PTPRF: variants seen among roughly 807,000 people sequenced by gnomAD.
PTPRF encodes the protein receptor-type tyrosine-protein phosphatase F.
PTPRF carries 59 observed loss-of-function variants against 201.8 expected under a neutral mutation model. The ratio of observed to expected loss-of-function variants is 0.29; its 90% CI spans 0.24 to 0.36. PTPRF has a LOEUF of 0.36. Among genes scored for constraint, PTPRF ranks in the 10% least tolerant of loss-of-function variants. The probability of loss-of-function intolerance (pLI) is 1.00; values close to 1 mark genes in which losing one functional copy is unlikely to be tolerated. For synonymous variants in PTPRF, 1,088 were observed against 1,089.7 expected (o/e 1.00, Z 0.03); for missense variants, 2,132 against 2,690.5 (o/e 0.79, Z 4.59).
chr1:43,573,974 G>GTTT (rs1646745628), intron 6 of PTPRF, among the ~76,000 whole-genome samples: 1 of 96,336 alleles, frequency 1.0e-5, no homozygotes, highest in Non-Finnish European at 2.1e-5. Context: ...GCTTGTGTGG[G>GTTT]TTCTTTTTTT....
chr1:43,597,622 G>A, intron 11 of PTPRF, 126 bp from the exon 12 acceptor site: 1 of 714,232 alleles, frequency 1.4e-6, no homozygotes, highest in Non-Finnish European at 2.3e-6. Flanking sequence ...AGGGACCCTG[G>A]GATGGCCATT....
chr1:43,544,253 T>C (rs1644521727), intron 2 of PTPRF, among the ~76,000 whole-genome samples: 1 of 152,228 alleles, frequency 6.6e-6, no homozygotes, highest in South Asian at 2.1e-4. Flanking sequence ...ATGTGAGGTT[T>C]GAATTCTAGG....
chr1:43,550,282 C>T (rs1450581635), intron 3 of PTPRF, among the ~76,000 whole-genome samples: 1 of 152,218 alleles, frequency 6.6e-6, no homozygotes, highest in South Asian at 2.1e-4. Flanking sequence ...CCTTCCAGGC[C>T]GCCGGTGACC....
chr1:43,603,326 T>C lies in PTPRF; in HGVS notation c.2341-90T>C. ...CCCCTGGCCTTGTGTGCCCCGGGGC[T>C]CCCCTCAGGCTAGGGTCCTGAGGTC... On this transcript the variant is annotated intron_variant, in intron 14 of 33. Coordinates refer to ENST00000359947, the MANE Select transcript of PTPRF (RefSeq NM_002840.5). The surrounding 1 kb of genome is among the most constrained non-coding windows in gnomAD (Gnocchi z 5.8). The C allele has an allele frequency of 8.6e-7, 1 of 1,168,466 alleles. No homozygotes were observed. 72.4% of individuals were successfully genotyped at this position (1,168,466 alleles called of 1,614,324 possible). A position where few individuals can be genotyped will look rare whatever the true frequency, so the allele number is the denominator to read the frequency against.
intron 6 of PTPRF, chr1:43,575,835 G>T: frequency 8.0e-7 from 1 of 1,256,328 alleles, no homozygotes. Context: ...TACCTGATTT[G>T]GCTTTGTGTG....
chr1:43,608,185 G>A (rs1655594724), intron 21 of PTPRF, among the ~76,000 whole-genome samples: 1 of 152,196 alleles, frequency 6.6e-6, no homozygotes, highest in Non-Finnish European at 1.5e-5. Context: ...TGTCCAGAGA[G>A]GTAGACCCCC....
intron 25 of PTPRF, 59 bp from the exon 26 acceptor site, chr1:43,618,571 G>A (rs1197265549): frequency 1.9e-6 from 3 of 1,561,452 alleles, no homozygotes; most frequent in Non-Finnish European, 2.6e-6. Flanking sequence ...CCTCCACCCT[G>A]CTTCTGCCCG....
intron 23 of PTPRF, among the ~76,000 whole-genome samples, chr1:43,615,676 C>T (rs1220866329): frequency 6.7e-6 from 1 of 148,492 alleles, no homozygotes; most frequent in African/African-American, 2.5e-5. Flanking sequence ...ACGCCATTCT[C>T]CTGCCTCAGC....
intron 23 of PTPRF, among the ~76,000 whole-genome samples, chr1:43,616,145 A>C (rs1179939530): frequency 1.3e-5 from 2 of 151,600 alleles, no homozygotes; most frequent in Non-Finnish European, 2.9e-5. Context: ...TGTGGAGAGT[A>C]ATGAGGCTGG....
chr1:43,612,854 T>G, intron 22 of PTPRF: 1 of 1,303,936 alleles, frequency 7.7e-7, no homozygotes, highest in Non-Finnish European at 1.0e-6. Flanking sequence ...TGTGTCTGTT[T>G]CCACTCCTTA....
chr1:43,559,657 G>A (rs1465226841), intron 5 of PTPRF, among the ~76,000 whole-genome samples: 1 of 150,728 alleles, frequency 6.6e-6, no homozygotes, highest in Non-Finnish European at 1.5e-5. Flanking sequence ...GGTGTGGTGT[G>A]TGTTTATGTG....
At chr1:43,558,274 G>C (rs1398424636) in intron 5 of PTPRF, among the ~76,000 whole-genome samples, 2 of 152,104 alleles carry the variant, frequency 1.3e-5, no homozygotes, top group Non-Finnish European at 2.9e-5. Flanking sequence ...AGATCAGTGT[G>C]CCCCCAAAAA....
At position 43,603,582 on chromosome 1, in the gene PTPRF, G is replaced by A. The variant is rs770208302; in HGVS notation, c.2459-29G>A. 4 of 1,612,574 alleles carry A rather than the reference G, an allele frequency of 2.5e-6. No individual in the cohort carries two copies. The highest frequency in any genetic ancestry group is 1.3e-5 in the African/African-American group (1 of 75,034). On this transcript the variant is annotated intron_variant, in intron 15 of 33. Transcript: ENST00000359947. This position sits in a 1 kb window ranked among gnomAD's most constrained non-coding sequence, Gnocchi z 5.8. ...CTGAGGGTGGGGCAGCAGGAGGGCA[G>A]CGCCAGAGCCCAGCCCGTGGTCCTT...
intron 22 of PTPRF, among the ~76,000 whole-genome samples, chr1:43,610,541 A>G (rs1656188816): frequency 6.6e-6 from 1 of 152,268 alleles, no homozygotes; most frequent in Admixed American, 6.5e-5. Flanking sequence ...GGGTTGGCAG[A>G]CTATGGCCCG....
upstream of PTPRF, among the ~76,000 whole-genome samples, chr1:43,523,880 G>T (rs1234349139): frequency 3.4e-5 from 5 of 145,818 alleles, no homozygotes; most frequent in Non-Finnish European, 7.5e-5. Context: ...AATCCCCTAA[G>T]TCTACTAAAG....
intron 3 of PTPRF, among the ~76,000 whole-genome samples, chr1:43,550,296 AC>A (rs1047496259): frequency 1.3e-5 from 2 of 152,124 alleles, no homozygotes; most frequent in Non-Finnish European, 2.9e-5. Context: ...GGTGACCCAC[AC>A]CTGGCTCTCC....
intron 29 of PTPRF, 70 bp downstream of exon 29, chr1:43,619,928 G>C (rs1658789041): frequency 1.3e-6 from 2 of 1,581,328 alleles, no homozygotes; most frequent in Non-Finnish European, 1.7e-6. Flanking sequence ...GGTGGGGGTG[G>C]GCAGCAGAGT....
At chr1:43,595,933 G>A (rs897641018) in intron 11 of PTPRF, among the ~76,000 whole-genome samples, 2 of 152,128 alleles carry the variant, frequency 1.3e-5, no homozygotes, top group African/African-American at 4.8e-5. Flanking sequence ...GAAACAGGCA[G>A]CATGGAGAGT....
At chr1:43,567,103 GC>G (rs1646239125) in intron 5 of PTPRF, among the ~76,000 whole-genome samples, 1 of 152,144 alleles carries the variant, frequency 6.6e-6, no homozygotes, top group South Asian at 2.1e-4. Context: ...ACTCTGGCAG[GC>G]CATGGCCACG....
Sources: allele counts gnomAD v4.1 joint callset (sites outside exome capture counted in the v4.1 genomes callset), GRCh38; gene constraint gnomAD v4.1.1; non-coding constraint Gnocchi (gnomAD v3.1); transcripts MANE v1.5; gene names NCBI Gene and HGNC (gene_info 2026-07-23, HGNC 2026-07-21).